MSI2: variants seen among roughly 807,000 people sequenced by gnomAD.
MSI2 encodes the protein musashi RNA binding protein 2, also known as RNA-binding protein Musashi homolog 2.
In MSI2, 17 loss-of-function variants were observed where a neutral mutation model predicts 45.6. The ratio of observed to expected loss-of-function variants is 0.37; its 90% CI spans 0.26 to 0.56. MSI2 has a LOEUF of 0.56. Ranked by LOEUF, MSI2 falls within the 20% of genes least tolerant of loss-of-function variation. The pLI, the probability that MSI2 is intolerant of heterozygous loss-of-function variation, is 0.77. For synonymous variants in MSI2, 156 were observed against 158.2 expected, an observed-to-expected ratio of 0.99 and a Z score of 0.11; for missense variants, 293 against 444.2, an observed-to-expected ratio of 0.66 and a Z score of 3.06.
At chr17:57,414,949 G>A (rs2084266581) in intron 6 of MSI2, among the ~76,000 whole-genome samples, 1 of 152,170 alleles carries the variant, frequency 6.6e-6, no homozygotes, top group South Asian at 2.1e-4. Flanking sequence ...AAGGATGTCA[G>A]GAGGGTAAAA....
At chr17:57,373,807 C>T (rs1398826314) in intron 5 of MSI2, among the ~76,000 whole-genome samples, 1 of 152,214 alleles carries the variant, frequency 6.6e-6, no homozygotes, top group Non-Finnish European at 1.5e-5. Context: ...TCAGTAGAGA[C>T]AGAGGATATT....
rs1466432693 is a variant in MSI2, at chr17:57,572,940, A to T, written c.455-23928A>T. Among the ~76,000 whole-genome samples the T allele has an allele frequency of 1.3e-5, 2 of 152,232 alleles. 1 individual carries two copies. Among genetic ancestry groups the T allele is most frequent in the South Asian group, 4.1e-4 (2 of 4,830 alleles). On this transcript the variant is annotated intron_variant, in intron 7 of 13. Transcript: ENST00000284073. ...AGGTGACCAATGCAAAGGTAACAGG[A>T]TGCATTCTCACTGGAACTGCTGTGC...
chr17:57,401,524 C>T, intron 6 of MSI2, 53 bp downstream of exon 6: 2 of 1,434,414 alleles, frequency 1.4e-6, no homozygotes, highest in Admixed American at 3.4e-5. Context: ...CTCATCAGTC[C>T]TAAGAAGAGG....
intron 7 of MSI2, among the ~76,000 whole-genome samples, chr17:57,551,513 G>A (rs1005476317): frequency 2.0e-5 from 3 of 152,172 alleles, no homozygotes; most frequent in Non-Finnish European, 4.4e-5. Flanking sequence ...TCAGCCGAGG[G>A]TAGAAATCAG....
At position 57,256,818 on chromosome 17, in the gene MSI2, C is replaced by A; in HGVS notation, c.62+14C>A. Reference sequence around the variant, plus strand: ...GCACGACCCCGGGTAAGTTTCCAGCCGCTGCCCACCGCGCCGCCTTGGGCT... The same window carrying A: ...GCACGACCCCGGGTAAGTTTCCAGCAGCTGCCCACCGCGCCGCCTTGGGCT... On this transcript the variant is annotated intron_variant, in intron 1 of 13. Transcript: ENST00000284073. 1 of 1,452,668 alleles carries A rather than the reference C, an allele frequency of 6.9e-7. No homozygotes were observed. The highest frequency in any genetic ancestry group is 9.1e-7 in the Non-Finnish European group (1 of 1,104,580). The allele number at this position is 1,452,668 out of a possible 1,614,324, so 90.0% of individuals were successfully genotyped here.
At chr17:57,275,859 A>G (rs1296535019) in intron 5 of MSI2, among the ~76,000 whole-genome samples, 2 of 152,234 alleles carry the variant, frequency 1.3e-5, no homozygotes, top group African/African-American at 4.8e-5. Context: ...GAAGCAGTTT[A>G]TTGTAATTAA....
intron 5 of MSI2, among the ~76,000 whole-genome samples, chr17:57,292,456 C>T (rs1164332205): frequency 2.0e-5 from 3 of 152,140 alleles, no homozygotes; most frequent in Admixed American, 6.5e-5. Flanking sequence ...CTCCCATGTG[C>T]CTTAGACCTG....
intron 9 of MSI2, among the ~76,000 whole-genome samples, chr17:57,622,247 T>TTCC (rs1908366772): frequency 1.3e-5 from 2 of 151,864 alleles, no homozygotes; most frequent in African/African-American, 4.8e-5. Flanking sequence ...CCCCTCAGAC[T>TTCC]TTGCGGCACC....
intron 5 of MSI2, among the ~76,000 whole-genome samples, chr17:57,351,133 T>C (rs989818147): frequency 2.6e-5 from 4 of 152,068 alleles, no homozygotes; most frequent in Non-Finnish European, 5.9e-5. Context: ...CTTGATAGTG[T>C]CTTCCATTGG....
intron 6 of MSI2, among the ~76,000 whole-genome samples, chr17:57,480,810 A>T (rs1424600171): frequency 6.6e-6 from 1 of 152,150 alleles, no homozygotes; most frequent in Non-Finnish European, 1.5e-5. Context: ...GCCAGCCCAC[A>T]CCCCAGTCAC....
chr17:57,261,266 T>C (rs1907279714), intron 4 of MSI2, among the ~76,000 whole-genome samples: 1 of 152,180 alleles, frequency 6.6e-6, no homozygotes, highest in Non-Finnish European at 1.5e-5. Flanking sequence ...TGATTTGGAC[T>C]GGAGGATGTT....
At chr17:57,654,268 CGCT>C (rs1911418291) in intron 11 of MSI2, among the ~76,000 whole-genome samples, 1 of 152,212 alleles carries the variant, frequency 6.6e-6, no homozygotes. Context: ...ATAGTGAGAG[CGCT>C]GCCTAGGCAG....
At chr17:57,525,276 G>A (rs889397370) in intron 6 of MSI2, among the ~76,000 whole-genome samples, 3 of 151,900 alleles carry the variant, frequency 2.0e-5, no homozygotes, top group Non-Finnish European at 2.9e-5. Context: ...CTTTTTTGGG[G>A]GGGGCAGGTG....
intron 5 of MSI2, among the ~76,000 whole-genome samples, chr17:57,329,421 T>G (rs1914071587): frequency 6.6e-6 from 1 of 152,214 alleles, no homozygotes; most frequent in Admixed American, 6.5e-5. Flanking sequence ...TTTGATTCCT[T>G]CTAACAATAC....
At chr17:57,657,106 C>T (rs768669123) in intron 11 of MSI2, among the ~76,000 whole-genome samples, 45 of 152,126 alleles carry the variant, frequency 3.0e-4, no homozygotes, top group Non-Finnish European at 2.6e-4. Context: ...AGGAAAACGT[C>T]GGAGTCCATA....
chr17:57,511,354 A>ATATTG, intron 6 of MSI2, among the ~76,000 whole-genome samples: 1 of 152,302 alleles, frequency 6.6e-6, no homozygotes, highest in East Asian at 1.9e-4. Context: ...CCACCCGCTC[A>ATATTG]AATATATTGA....
chr17:57,316,543 C>T (rs533723747), intron 5 of MSI2, among the ~76,000 whole-genome samples: 30 of 152,248 alleles, frequency 2.0e-4, no homozygotes, highest in Admixed American at 1.2e-3. Context: ...CCAGGCTGGT[C>T]GCAAACTCCT....
chr17:57,303,158 G>T (rs1255569828), intron 5 of MSI2, among the ~76,000 whole-genome samples: 1 of 152,214 alleles, frequency 6.6e-6, no homozygotes, highest in Admixed American at 6.5e-5. Context: ...GTTCTGCTGT[G>T]GCTGTAGCTT....
chr17:57,597,890 C>T (rs374472358), intron 8 of MSI2, among the ~76,000 whole-genome samples: 1 of 152,334 alleles, frequency 6.6e-6, no homozygotes, highest in African/African-American at 2.4e-5. Context: ...TCAGCTGCTT[C>T]CTTCCCTCTC....
Sources: gnomAD v4.1 joint callset for allele counts (sites outside exome capture counted in the v4.1 genomes callset) on GRCh38, gnomAD v4.1.1 for gene constraint, MANE v1.5 for transcripts, NCBI Gene and HGNC (gene_info 2026-07-23, HGNC 2026-07-21) for gene names.